FAM199X: variants seen among roughly 807,000 people sequenced by gnomAD.
The protein encoded by FAM199X is family with sequence similarity 199, X-linked.
Under a neutral mutation model 22.9 loss-of-function variants are expected in FAM199X, and 4 were observed. The observed-to-expected ratio is 0.17, with a 90% confidence interval of 0.09 to 0.40. The LOEUF is 0.40. Ranked by LOEUF, FAM199X falls within the 10% of genes least tolerant of loss-of-function variation. The pLI is 1.00. For synonymous variants in FAM199X, 101 were observed against 112.3 expected, an observed-to-expected ratio of 0.90 and a Z score of 0.64; for missense variants, 183 against 306.8, an observed-to-expected ratio of 0.60 and a Z score of 3.01.
chrX:104,189,551 TG>T, intron 5 of FAM199X, 56 bp from the exon 6 acceptor site: 1 of 1,111,254 alleles, frequency 9.0e-7, no homozygotes, highest in Non-Finnish European at 1.2e-6. Flanking sequence ...CAAAACATTT[TG>T]GGGTGGATAT....
At chrX:104,170,106 T>G in intron 1 of FAM199X, among the ~76,000 whole-genome samples, 1 of 112,445 alleles carries the variant, frequency 8.9e-6, no homozygotes. Flanking sequence ...GACATTTTCT[T>G]TGGTTTTGGG....
intron 1 of FAM199X, among the ~76,000 whole-genome samples, chrX:104,168,242 G>A (rs1279961713): frequency 1.8e-5 from 2 of 112,129 alleles, no homozygotes; most frequent in Non-Finnish European, 3.8e-5. Context: ...ACTCTAAATC[G>A]TCATTGCAAA....
intron 1 of FAM199X, among the ~76,000 whole-genome samples, chrX:104,170,445 A>G (rs1258885273): frequency 8.9e-6 from 1 of 111,796 alleles, no homozygotes; most frequent in African/African-American, 3.3e-5. Context: ...AATCAGTAGA[A>G]GTCCGTGACG....
upstream of FAM199X, among the ~76,000 whole-genome samples, chrX:104,165,050 T>A (rs1921129000): frequency 8.9e-6 from 1 of 111,846 alleles, no homozygotes; most frequent in African/African-American, 3.3e-5. Flanking sequence ...CCATTCAGCC[T>A]CACTGGCCTC....
Position 104,195,492 on chromosome X carries a change from T to C in FAM199X, c.*5714T>C, listed in dbSNP as rs1306698649. ...TAGCATTCATAGTAAGTGAAAATTG[T>C]CTAATTTTTTTAATCCATGCTATTA... On this transcript the variant is annotated 3_prime_UTR_variant, in exon 6 of 6. Transcript: ENST00000493442. 1 of 111,774 alleles carries C rather than the reference T, an allele frequency of 8.9e-6. No individual in the cohort carries two copies. Among genetic ancestry groups the C allele is most frequent in the Admixed American group, 9.6e-5 (1 of 10,460 alleles). 9.2% of individuals were successfully genotyped at this position (111,774 alleles called of 1,213,427 possible). A position where few individuals can be genotyped will look rare whatever the true frequency, so the allele number is the denominator to read the frequency against.
At chrX:104,158,704 C>T in the FAM199X span, among the ~76,000 whole-genome samples, 1 of 112,023 alleles carries the variant, frequency 8.9e-6, no homozygotes, top group African/African-American at 3.2e-5. Context: ...CACCTACCCA[C>T]TCTCACTTCC....
At chrX:104,178,764 T>C (rs1473446740) in intron 2 of FAM199X, among the ~76,000 whole-genome samples, 1 of 111,995 alleles carries the variant, frequency 8.9e-6, no homozygotes, top group African/African-American at 3.2e-5. Context: ...TTAACGCTAG[T>C]ACCACACTGT....
intron 1 of FAM199X, among the ~76,000 whole-genome samples, chrX:104,167,291 C>A (rs1921233813): frequency 1.9e-5 from 2 of 104,938 alleles, no homozygotes; most frequent in Admixed American, 2.0e-4. Context: ...TCCCAAACCC[C>A]CACCCTTGAT....
In FAM199X at chrX:104,193,303, G is replaced by A. The variant is rs1921984108; in HGVS notation, c.*3525G>A. The A allele has an allele frequency of 8.9e-6, 1 of 111,790 alleles. No homozygotes were observed. The highest frequency in any genetic ancestry group is 1.9e-5 in the Non-Finnish European group (1 of 52,941). The allele number at this position is 111,790 out of a possible 1,213,427, so 9.2% of individuals were successfully genotyped here. A position where few individuals can be genotyped will look rare whatever the true frequency, so the allele number is the denominator to read the frequency against. On this transcript the variant is annotated 3_prime_UTR_variant, in exon 6 of 6. Transcript: ENST00000493442. Reference sequence around the variant, plus strand: ...TTCGGCCTAGCTAGATCATTGAAGAGCCTTGAAAGTTATCTAAAGTATGGC... The same window carrying A: ...TTCGGCCTAGCTAGATCATTGAAGAACCTTGAAAGTTATCTAAAGTATGGC...
chrX:104,186,834 A>T (rs1556379273), intron 4 of FAM199X, among the ~76,000 whole-genome samples: 5 of 111,903 alleles, frequency 4.5e-5, no homozygotes, highest in African/African-American at 1.6e-4. Flanking sequence ...TGAATCTAGA[A>T]CCTGCTTTTC....
upstream of FAM199X, among the ~76,000 whole-genome samples, chrX:104,166,299 G>C (rs1023525894): frequency 3.5e-5 from 4 of 113,104 alleles, no homozygotes; most frequent in Admixed American, 9.2e-5. Flanking sequence ...CCTTTCTAGC[G>C]GCCTGAATCC....
At chrX:104,184,541 C>T (rs1208153877) in intron 2 of FAM199X, among the ~76,000 whole-genome samples, 3 of 111,070 alleles carry the variant, frequency 2.7e-5, no homozygotes, top group East Asian at 2.8e-4. Flanking sequence ...TTGGTCATGG[C>T]GGTGACCATG....
At chrX:104,167,153 T>A (rs1602512591) in intron 1 of FAM199X, among the ~76,000 whole-genome samples, 171 bp downstream of exon 1, 1 of 57,838 alleles carries the variant, frequency 1.7e-5, no homozygotes, top group Non-Finnish European at 3.1e-5. Context: ...ACCCCTGCCC[T>A]CCTATTTTCC....
upstream of FAM199X, among the ~76,000 whole-genome samples, chrX:104,164,658 A>G (rs1236801753): frequency 9.0e-6 from 1 of 111,212 alleles, no homozygotes; most frequent in African/African-American, 3.3e-5. Context: ...AGTTGGGTCA[A>G]TCACTTGAGG....
chrX:104,162,272 G>T (rs1393214021), upstream of FAM199X, among the ~76,000 whole-genome samples: 1 of 111,473 alleles, frequency 9.0e-6, no homozygotes, highest in African/African-American at 3.3e-5. Flanking sequence ...CAGAGTGGGT[G>T]TATGACCTCT....
Position 104,192,591 on chromosome X carries a change from T to C in FAM199X, c.*2813T>C, listed in dbSNP as rs1383356781. ...ATTTAACAAAATGACATATATAATA[T>C]TTTTCTATAGTTTTGCAACTGAATT... On this transcript the variant is annotated 3_prime_UTR_variant, in exon 6 of 6. Transcript: ENST00000493442. The C allele has an allele frequency of 8.9e-6, 1 of 111,974 alleles. No homozygotes were observed. Among genetic ancestry groups the C allele is most frequent in the Non-Finnish European group, 1.9e-5 (1 of 53,003 alleles). The allele number at this position is 111,974 out of a possible 1,213,427, so 9.2% of individuals were successfully genotyped here.
intron 1 of FAM199X, among the ~76,000 whole-genome samples, chrX:104,167,193 C>G (rs1556374218): frequency 9.8e-6 from 1 of 101,973 alleles, no homozygotes; most frequent in Non-Finnish European, 2.0e-5. Flanking sequence ...CTCTTTTCCT[C>G]ATTCATATTC....
chrX:104,172,363 G>A (rs1014129234), intron 1 of FAM199X, among the ~76,000 whole-genome samples: 1 of 107,877 alleles, frequency 9.3e-6, no homozygotes, highest in Non-Finnish European at 1.9e-5. Context: ...AGCCTGCAGT[G>A]AGCCATGGTC....
At chrX:104,161,697 C>T (rs782147628), upstream of FAM199X, among the ~76,000 whole-genome samples, 103 of 109,790 alleles carry the variant, frequency 9.4e-4, no homozygotes, top group African/African-American at 3.2e-3. Flanking sequence ...AAAAATTAGC[C>T]GGGCGTGGTG....
Sources: gnomAD v4.1 joint callset for allele counts (sites outside exome capture counted in the v4.1 genomes callset) on GRCh38, gnomAD v4.1.1 for gene constraint, MANE v1.5 for transcripts, NCBI Gene and HGNC (gene_info 2026-07-23, HGNC 2026-07-21) for gene names.